EBF1: variants seen among roughly 807,000 people sequenced by gnomAD.
The protein encoded by EBF1 is transcription factor COE1.
EBF1 carries 10 observed loss-of-function variants against 68.4 expected under a neutral mutation model. The observed-to-expected ratio is 0.15, with a 90% CI of 0.09 to 0.25. EBF1 has a LOEUF of 0.25. Ranked by LOEUF, EBF1 falls within the 10% of genes least tolerant of loss-of-function variation. The probability of loss-of-function intolerance (pLI) is 1.00; values close to 1 mark genes in which losing one functional copy is unlikely to be tolerated. For missense variants in EBF1, 509 were observed against 794.4 expected (o/e 0.64, Z 4.32); for synonymous variants, 298 against 299.8 (o/e 0.99, Z 0.06).
At chr5:158,789,042 A>T (rs207466515) in intron 9 of EBF1, among the ~76,000 whole-genome samples, 1 of 152,048 alleles carries the variant, frequency 6.6e-6, no homozygotes. Context: ...TCATAAAATT[A>T]CTTGGGCTTG....
chr5:158,733,629 A>T (rs1332312596), intron 10 of EBF1, among the ~76,000 whole-genome samples: 1 of 152,198 alleles, frequency 6.6e-6, no homozygotes, highest in Non-Finnish European at 1.5e-5. Flanking sequence ...AAAAATAAGG[A>T]TTTACTCCAT....
At chr5:158,770,831 C>T (rs1773730480) in intron 10 of EBF1, among the ~76,000 whole-genome samples, 1 of 152,112 alleles carries the variant, frequency 6.6e-6, no homozygotes, top group African/African-American at 2.4e-5. Context: ...TTATTATGTG[C>T]TGATCAAAAG....
At chr5:158,871,734 T>C (rs934020237) in intron 6 of EBF1, among the ~76,000 whole-genome samples, 24 of 152,236 alleles carry the variant, frequency 1.6e-4, no homozygotes, top group Non-Finnish European at 3.1e-4. Context: ...GAAGCTCAGA[T>C]AGCTTAGTGG....
chr5:158,834,817 T>C (rs1352214989), intron 7 of EBF1, among the ~76,000 whole-genome samples: 1 of 152,220 alleles, frequency 6.6e-6, no homozygotes, highest in Non-Finnish European at 1.5e-5. Flanking sequence ...CGTTGCTATA[T>C]GAAGATCAGG....
intron 6 of EBF1, among the ~76,000 whole-genome samples, chr5:158,854,653 A>G (rs2128008158): frequency 6.6e-6 from 1 of 152,366 alleles, no homozygotes; most frequent in East Asian, 1.9e-4. Flanking sequence ...TGCAGGAAAC[A>G]AAACAACTGA....
intron 6 of EBF1, among the ~76,000 whole-genome samples, chr5:158,900,909 A>G (rs1408793027): frequency 6.7e-6 from 1 of 149,596 alleles, no homozygotes; most frequent in Non-Finnish European, 1.5e-5. Flanking sequence ...AGATCTCTTC[A>G]TTAGTCAATT....
rs182866221 is a variant in EBF1, at chr5:158,989,238, T to C, written c.554+84158A>G. Among the ~76,000 whole-genome samples, 3 of 152,310 alleles carry C rather than the reference T, an allele frequency of 2.0e-5. No individual in the cohort carries two copies. In the East Asian group the frequency reaches 5.8e-4, roughly 29 times the overall value. On this transcript the variant is annotated intron_variant, in intron 6 of 15. Transcript: ENST00000313708. ...CAGCACGAAACAGAAAAGAACAAAT[T>C]GGAGAAGAAGGGCTTTCTGCAAAGC...
intron 6 of EBF1, among the ~76,000 whole-genome samples, chr5:158,862,387 T>A (rs1236039530): frequency 1.3e-5 from 2 of 152,102 alleles, no homozygotes; most frequent in Non-Finnish European, 2.9e-5. Context: ...AAAACTCCAG[T>A]GAAGCAAGCA....
intron 6 of EBF1, among the ~76,000 whole-genome samples, chr5:158,869,418 G>A (rs1796472937): frequency 1.3e-5 from 2 of 152,202 alleles, no homozygotes; most frequent in African/African-American, 4.8e-5. Flanking sequence ...TTGCCATTCA[G>A]TCTGTGGGGT....
chr5:159,046,165 C>A (rs138563428), intron 6 of EBF1, among the ~76,000 whole-genome samples: 7 of 152,140 alleles, frequency 4.6e-5, no homozygotes, highest in Non-Finnish European at 1.0e-4. Flanking sequence ...TAATCAATTC[C>A]GATACAGGTG....
chr5:159,097,275 G>T lies in EBF1; in HGVS notation c.135-145C>A, dbSNP rs926062863. 7 of 904,450 alleles carry T rather than the reference G, an allele frequency of 7.7e-6. No individual in the cohort carries two copies. In the East Asian group the frequency reaches 1.6e-4, roughly 21 times the overall value. 56.0% of individuals were successfully genotyped at this position (904,450 alleles called of 1,614,324 possible). ...GGGCGCTCTTCACGCCCCTTCAGGC[G>T]ACATAGACCCAGCTGACAACGGGAC... On this transcript the variant is annotated intron_variant, in intron 1 of 15. Coordinates refer to ENST00000313708, the MANE Select transcript of EBF1 (RefSeq NM_024007.5).
intron 8 of EBF1, among the ~76,000 whole-genome samples, chr5:158,821,607 C>A (rs1784830288): frequency 6.6e-6 from 1 of 152,214 alleles, no homozygotes; most frequent in East Asian, 1.9e-4. Context: ...CTCTCCAAAT[C>A]ATGCCCACTG....
intron 8 of EBF1, among the ~76,000 whole-genome samples, chr5:158,801,589 A>G (rs1232851533): frequency 6.6e-6 from 1 of 151,786 alleles, no homozygotes; most frequent in East Asian, 1.9e-4. Context: ...CTACACCGTG[A>G]GTCAGGGCCT....
At position 158,769,855 on chromosome 5, in the gene EBF1, T is replaced by C. The variant is rs150275142; in HGVS notation, c.1036+7558A>G. ...CATTTGGAGTAATATTTAAGACATG[T>C]GGACAGGAGCAGCCTGTGAATTTTT... On this transcript the variant is annotated intron_variant, in intron 10 of 15. Transcript: ENST00000313708. Among the ~76,000 whole-genome samples the C allele has an allele frequency of 1.6e-4, 24 of 152,264 alleles. No homozygotes were observed. The East Asian group carries it at 4.6e-3, about 29-fold the overall frequency.
intron 4 of EBF1, among the ~76,000 whole-genome samples, chr5:159,087,151 T>C (rs1305816700): frequency 6.6e-6 from 1 of 151,786 alleles, no homozygotes; most frequent in East Asian, 1.9e-4. Flanking sequence ...ATATTTGTGA[T>C]GTTTTGGTTC....
chr5:158,781,668 T>A (rs1247945814), intron 9 of EBF1, among the ~76,000 whole-genome samples: 1 of 152,194 alleles, frequency 6.6e-6, no homozygotes, highest in African/African-American at 2.4e-5. Flanking sequence ...GAGTTTATCA[T>A]TATTTCTTTT....
chr5:159,072,211 T>C (rs991306669), intron 6 of EBF1, among the ~76,000 whole-genome samples: 1 of 152,228 alleles, frequency 6.6e-6, no homozygotes, highest in Non-Finnish European at 1.5e-5. Context: ...AATATTTAGT[T>C]AAAATATCTG....
At chr5:158,824,745 C>A (rs1468703499) in intron 7 of EBF1, among the ~76,000 whole-genome samples, 1 of 152,244 alleles carries the variant, frequency 6.6e-6, no homozygotes, top group Non-Finnish European at 1.5e-5. Flanking sequence ...ACGCCAGGCC[C>A]TGGCCTATGC....
At chr5:158,848,940 A>G (rs1213106438) in intron 6 of EBF1, among the ~76,000 whole-genome samples, 1 of 152,244 alleles carries the variant, frequency 6.6e-6, no homozygotes, top group Admixed American at 6.5e-5. Context: ...GACTTCAAAA[A>G]GTACAAATGT....
Sources: allele counts gnomAD v4.1 joint callset (sites outside exome capture counted in the v4.1 genomes callset), GRCh38; gene constraint gnomAD v4.1.1; transcripts MANE v1.5; gene names NCBI Gene and HGNC (gene_info 2026-07-23, HGNC 2026-07-21).